The following GRM5 variants were observed in gnomAD, a reference collection of about 807,000 sequenced individuals.
The protein encoded by GRM5 is metabotropic glutamate receptor 5.
Under a neutral mutation model 83.1 loss-of-function variants are expected in GRM5, and 19 were observed. The observed-to-expected ratio is 0.23, with a 90% CI of 0.16 to 0.34. The LOEUF (loss-of-function observed/expected upper bound fraction) is 0.34. Ranked by LOEUF, GRM5 falls within the 10% of genes least tolerant of loss-of-function variation. GRM5 has a pLI of 1.00. For synonymous variants in GRM5, 675 were observed against 633.6 expected (o/e 1.07, Z -0.98); for missense variants, 1,160 against 1,588.3 (o/e 0.73, Z 4.58).
Position 88,604,732 on chromosome 11 carries a change from T to C in GRM5, c.1380A>G (p.Gly460=). ...SGDTILFDEN[G]DSPGRYEIMN... ...TAACACAATACCTTCCTGGAGAGTC[T>C]CCATTCTCATCGAATAGGATCGTAT... Residue 460 remains glycine (G), a synonymous_variant, in exon 5 of 10, where the codon GGA becomes GGG. Coordinates refer to ENST00000305447, the MANE Select transcript of GRM5 (RefSeq NM_001143831.3). 1 of 1,611,840 alleles carries C rather than the reference T, an allele frequency of 6.2e-7. No homozygotes were observed. The highest frequency in any genetic ancestry group is 8.5e-7 in the Non-Finnish European group (1 of 1,178,000).
At chr11:88,976,843 C>T (rs1161910638) in intron 2 of GRM5, among the ~76,000 whole-genome samples, 3 of 139,030 alleles carry the variant, frequency 2.2e-5, no homozygotes, top group Non-Finnish European at 4.8e-5. Flanking sequence ...CTTCCTCCAA[C>T]TCTTTTCTAT....
At chr11:89,041,592 ATTAT>A (rs1174307730) in intron 2 of GRM5, among the ~76,000 whole-genome samples, 2 of 152,212 alleles carry the variant, frequency 1.3e-5, no homozygotes, top group Non-Finnish European at 2.9e-5. Context: ...TCTCTTAGAA[ATTAT>A]TTACTGAGTC....
chr11:88,692,554 G>A (rs1175625029), intron 3 of GRM5, among the ~76,000 whole-genome samples: 1 of 152,162 alleles, frequency 6.6e-6, no homozygotes, highest in Admixed American at 6.5e-5. Flanking sequence ...TCTCTCATCT[G>A]TAAAGCTTAA....
intron 2 of GRM5, among the ~76,000 whole-genome samples, chr11:88,910,750 T>C (rs566474388): frequency 1.1e-4 from 17 of 152,132 alleles, no homozygotes; most frequent in Non-Finnish European, 1.9e-4. Context: ...TTAAAATGTA[T>C]TTCAAGCAAG....
chr11:88,581,064 T>C lies in GRM5; in HGVS notation c.1690+9537A>G, dbSNP rs140251402. Among the ~76,000 whole-genome samples the C allele has an allele frequency of 7.3e-3, 1,114 of 152,178 alleles. 11 individuals carry two copies. The highest frequency in any genetic ancestry group is 0.026 in the African/African-American group (1,076 of 41,528). ...CGGAGGTTGCAGTGAGCTGAGACAG[T>C]GATGTGCCACTGCACTCCAACCTGG... On this transcript the variant is annotated intron_variant, in intron 7 of 9. Transcript: ENST00000305447.
chr11:88,519,698 C>T (rs1941625606), intron 9 of GRM5, among the ~76,000 whole-genome samples: 1 of 152,060 alleles, frequency 6.6e-6, no homozygotes, highest in Non-Finnish European at 1.5e-5. Context: ...GTTTTACTTA[C>T]TTTTCCAGAA....
intron 3 of GRM5, among the ~76,000 whole-genome samples, chr11:88,831,872 C>T (rs1214587938): frequency 6.6e-6 from 1 of 152,216 alleles, no homozygotes; most frequent in African/African-American, 2.4e-5. Flanking sequence ...ACTACCAGCA[C>T]CTGAGCAAGC....
chr11:88,731,290 C>A (rs1591473873), intron 3 of GRM5, among the ~76,000 whole-genome samples: 1 of 152,172 alleles, frequency 6.6e-6, no homozygotes, highest in African/African-American at 2.4e-5. Flanking sequence ...CTAATACCCA[C>A]AGGCATCATG....
intron 3 of GRM5, among the ~76,000 whole-genome samples, chr11:88,702,579 A>G (rs941679586): frequency 2.8e-4 from 43 of 152,150 alleles, no homozygotes; most frequent in African/African-American, 1.0e-3. Flanking sequence ...GGGCCATTTC[A>G]TATGATCACA....
chr11:88,956,275 GCAGT>G (rs1214454404), intron 2 of GRM5, among the ~76,000 whole-genome samples: 2 of 152,188 alleles, frequency 1.3e-5, no homozygotes, highest in Non-Finnish European at 2.9e-5. Flanking sequence ...CCAAAGTAGA[GCAGT>G]CAGAGAATAA....
chr11:88,728,718 A>G (rs1565204478), intron 3 of GRM5, among the ~76,000 whole-genome samples: 1 of 152,218 alleles, frequency 6.6e-6, no homozygotes, highest in South Asian at 2.1e-4. Context: ...GGCTGGTTCA[A>G]CATATGCAAA....
intron 2 of GRM5, among the ~76,000 whole-genome samples, chr11:89,022,003 G>A (rs139069985): frequency 0.033 from 4,968 of 152,194 alleles, 257 homozygotes; most frequent in African/African-American, 0.11. Flanking sequence ...GATAACAAAC[G>A]TTCTTAACAA....
intron 8 of GRM5, among the ~76,000 whole-genome samples, chr11:88,530,917 A>G (rs1941992345): frequency 6.6e-6 from 1 of 152,104 alleles, no homozygotes; most frequent in South Asian, 2.1e-4. Context: ...AAAATGTATT[A>G]GAACTGGGGG....
In GRM5 at chr11:88,988,392, C is replaced by A. The variant is rs1411273510; in HGVS notation, c.661+58820G>T. Reference sequence around the variant, plus strand: ...ACCAAATCTACGTCTGATTGGTGTACCTGAAAGTGACGGGGAGAATGGAAC... The same window carrying A: ...ACCAAATCTACGTCTGATTGGTGTAACTGAAAGTGACGGGGAGAATGGAAC... On this transcript the variant is annotated intron_variant, in intron 2 of 9. Transcript: ENST00000305447. Among the ~76,000 whole-genome samples the A allele has an allele frequency of 2.2e-3, 338 of 151,590 alleles. 3 individuals carry two copies. The highest frequency in any genetic ancestry group is 7.8e-3 in the African/African-American group (321 of 41,316).
intron 2 of GRM5, among the ~76,000 whole-genome samples, chr11:88,946,121 CA>C (rs1938277121): frequency 6.6e-6 from 1 of 151,966 alleles, no homozygotes; most frequent in East Asian, 1.9e-4. Context: ...AAGAGGCCAA[CA>C]AACATGAAAA....
At chr11:89,002,691 C>A (rs772680879) in intron 2 of GRM5, among the ~76,000 whole-genome samples, 11 of 152,100 alleles carry the variant, frequency 7.2e-5, no homozygotes, top group Non-Finnish European at 1.6e-4. Context: ...TGATTATATT[C>A]TCCTGTATTT....
Position 88,508,762 on chromosome 11 carries a change from G to T in GRM5, c.3469C>A (p.Leu1157Met). Residue 1157 changes from leucine (L) to methionine (M), a missense_variant, in exon 10 of 10, where the codon CTG (leucine) becomes ATG (methionine). Around this residue, in one of 9 missense-constraint regions of GRM5, gnomAD observed 562 missense variants for 532.4 expected, o/e 1.06. Coordinates refer to ENST00000305447, the MANE Select transcript of GRM5 (RefSeq NM_001143831.3). The surrounding 1 kb of genome is among the most constrained non-coding windows in gnomAD (Gnocchi z 4.2). ...GGGGTGAGAGCCACCAGCTCCTCCA[G>T]GTCTGGCTTGGCGGCCGCAGCCTCG... The part of the protein sequence containing the change: ...GPEAAAAKPD[L>M]EELVALTPPS... 6.6e-7 allele frequency: 1 copy of T among 1,516,936 alleles called. No homozygotes were observed. The allele number at this position is 1,516,936 out of a possible 1,614,324, so 94.0% of individuals were successfully genotyped here. A position where few individuals can be genotyped will look rare whatever the true frequency, so the allele number is the denominator to read the frequency against.
chr11:89,027,885 G>A (rs895125545), intron 2 of GRM5, among the ~76,000 whole-genome samples: 1 of 152,186 alleles, frequency 6.6e-6, no homozygotes, highest in African/African-American at 2.4e-5. Context: ...GGTGTTAACA[G>A]GTGGGACTTT....
intron 2 of GRM5, among the ~76,000 whole-genome samples, chr11:88,897,227 T>G (rs316092): frequency 0.63 from 95,508 of 151,676 alleles, 30,384 homozygotes; most frequent in Admixed American, 0.73. Flanking sequence ...AGAAAAAATA[T>G]GCAGTTGGAT....
Sources: allele counts gnomAD v4.1 joint callset (sites outside exome capture counted in the v4.1 genomes callset), GRCh38; gene constraint gnomAD v4.1.1; regional missense constraint gnomAD v4.1.1; non-coding constraint Gnocchi (gnomAD v3.1); transcripts MANE v1.5; gene names NCBI Gene and HGNC (gene_info 2026-07-23, HGNC 2026-07-21).